The following SLC12A7 variants were observed in gnomAD, a reference collection of about 807,000 sequenced individuals.
The protein encoded by SLC12A7 is K-Cl cotransporter 4.
SLC12A7 carries 100 observed loss-of-function variants against 120.6 expected under a neutral mutation model. That is an observed-to-expected ratio of 0.83 (90% CI 0.71 to 0.98). The LOEUF (loss-of-function observed/expected upper bound fraction) is 0.98, where lower values mean the gene tolerates loss of function less well. Among genes scored for constraint, SLC12A7 ranks in the 50% least tolerant of loss-of-function variants. The pLI is 0.00. For synonymous variants in SLC12A7, 760 were observed against 678.0 expected (o/e 1.12, Z -1.88); for missense variants, 1,373 against 1,548.1 (o/e 0.89, Z 1.90).
intron 21 of SLC12A7, among the ~76,000 whole-genome samples, chr5:1,058,758 T>C (rs1735885087): frequency 6.6e-6 from 1 of 152,184 alleles, no homozygotes; most frequent in Non-Finnish European, 1.5e-5. Context: ...AAATTTCCCA[T>C]GGCCTTGAAC....
the SLC12A7 span, among the ~76,000 whole-genome samples, chr5:1,133,909 G>C: frequency 2.6e-5 from 4 of 152,210 alleles, no homozygotes; most frequent in Non-Finnish European, 5.9e-5. Flanking sequence ...GTGGGGGTGG[G>C]CTCTTGTTCT....
intron 23 of SLC12A7, 142 bp from the exon 24 acceptor site, chr5:1,052,593 G>A (rs900038983): frequency 8.8e-6 from 6 of 678,206 alleles, no homozygotes; most frequent in Non-Finnish European, 1.5e-5. Flanking sequence ...AGAGAGGTGG[G>A]GATTAGAGAG....
chr5:1,107,819 G>C (rs557184651), intron 1 of SLC12A7, among the ~76,000 whole-genome samples: 3 of 152,154 alleles, frequency 2.0e-5, no homozygotes, highest in Non-Finnish European at 4.4e-5. Context: ...CTGAGTCCAC[G>C]AGGCAAAGGT....
intron 17 of SLC12A7, among the ~76,000 whole-genome samples, chr5:1,068,063 C>A (rs927041280): frequency 6.6e-6 from 1 of 152,232 alleles, no homozygotes; most frequent in African/African-American, 2.4e-5. Flanking sequence ...GAACAGAGCA[C>A]AAGGGCGCGC....
At chr5:1,109,318 T>C (rs1343154599) in intron 1 of SLC12A7, among the ~76,000 whole-genome samples, 2 of 151,940 alleles carry the variant, frequency 1.3e-5, no homozygotes, top group Non-Finnish European at 2.9e-5. Flanking sequence ...CCCAAGTCAG[T>C]TACAAAACCC....
chr5:1,057,766 G>C (rs1284260159), intron 21 of SLC12A7, 117 bp from the exon 22 acceptor site: 9 of 1,005,544 alleles, frequency 9.0e-6, no homozygotes, highest in Non-Finnish European at 1.3e-5. Flanking sequence ...GGCCCTGTGT[G>C]CCTGACCCGG....
chr5:1,111,145 G>C (rs1742968470), intron 1 of SLC12A7, among the ~76,000 whole-genome samples: 2 of 152,188 alleles, frequency 1.3e-5, no homozygotes, highest in South Asian at 4.1e-4. Context: ...AGAGCCTCCG[G>C]TTTCTAGAGG....
chr5:1,088,560 C>T (rs1740143327), intron 4 of SLC12A7, among the ~76,000 whole-genome samples, 200 bp from the exon 5 acceptor site: 1 of 152,204 alleles, frequency 6.6e-6, no homozygotes, highest in African/African-American at 2.4e-5. Context: ...GTTCCCACCC[C>T]TTCCCCTATG....
chr5:1,136,976 A>T, the SLC12A7 span, among the ~76,000 whole-genome samples: 1 of 144,216 alleles, frequency 6.9e-6, no homozygotes, highest in Non-Finnish European at 1.5e-5. Context: ...ACATGTACTC[A>T]CACACCACCA....
chr5:1,077,418 C>T (rs557272625), intron 12 of SLC12A7, among the ~76,000 whole-genome samples: 9 of 152,330 alleles, frequency 5.9e-5, no homozygotes, highest in South Asian at 4.1e-4. Flanking sequence ...TGCGGGCGTC[C>T]GTGCAATCCT....
chr5:1,075,402 C>T lies in SLC12A7; in HGVS notation c.1936G>A (p.Gly646Ser), dbSNP rs763958178. 3.7e-6 allele frequency: 6 copies of T among 1,612,298 alleles called. No individual in the cohort carries two copies. Among genetic ancestry groups the T allele is most frequent in the Non-Finnish European group, 5.1e-6 (6 of 1,179,474 alleles). The change falls in exon 15 of 24, where the codon GGC (glycine) becomes AGC (serine). Residue 646 changes from glycine to serine, a missense_variant. By Grantham distance (56) the Gly-to-Ser change is moderately conservative. Transcript: ENST00000264930. Reference sequence around the variant, plus strand: ...TACTCGATGTACTTGTAGATGCAGCCAGCGATGAGCATGGCGGACAGCGCG... The same window carrying T: ...TACTCGATGTACTTGTAGATGCAGCTAGCGATGAGCATGGCGGACAGCGCG... ...YYALSAMLIA[G>S]CIYKYIEYRG...
intron 20 of SLC12A7, chr5:1,063,086 A>AGCT (rs973795103): frequency 3.9e-5 from 6 of 152,294 alleles, no homozygotes; most frequent in Non-Finnish European, 8.8e-5. Flanking sequence ...CAGGATCCAG[A>AGCT]GCTCCATGCT....
intron 8 of SLC12A7, among the ~76,000 whole-genome samples, chr5:1,082,272 G>C (rs372509859): frequency 6.8e-6 from 1 of 146,162 alleles, no homozygotes; most frequent in Non-Finnish European, 1.5e-5. Context: ...TGGAAAGTCC[G>C]GGCTTCCCCG....
At chr5:1,065,031 A>C (rs1190721760) in intron 18 of SLC12A7, among the ~76,000 whole-genome samples, 1 of 81,410 alleles carries the variant, frequency 1.2e-5, no homozygotes, top group Admixed American at 1.7e-4. Flanking sequence ...CGGGACAGTG[A>C]GGGGACAGCG....
At chr5:1,063,385 G>C (rs1202245127) in intron 20 of SLC12A7, among the ~76,000 whole-genome samples, 2 of 152,222 alleles carry the variant, frequency 1.3e-5, no homozygotes, top group Non-Finnish European at 2.9e-5. Context: ...CCACTGAGGT[G>C]TGAGGTCCTG....
chr5:1,084,700 C>T (rs772792607), intron 7 of SLC12A7, among the ~76,000 whole-genome samples: 18 of 152,124 alleles, frequency 1.2e-4, no homozygotes, highest in Non-Finnish European at 2.4e-4. Context: ...TTCAGGGGCT[C>T]CCTCCACGCA....
the SLC12A7 span, among the ~76,000 whole-genome samples, chr5:1,147,769 G>C: frequency 6.6e-6 from 1 of 151,832 alleles, no homozygotes; most frequent in Admixed American, 6.6e-5. Context: ...TTTGAGACAG[G>C]GTCTCACTCT....
At chr5:1,100,589 G>T (rs950365131) in intron 1 of SLC12A7, among the ~76,000 whole-genome samples, 5 of 152,244 alleles carry the variant, frequency 3.3e-5, no homozygotes, top group African/African-American at 1.2e-4. Context: ...TAACAGAGGA[G>T]GAAGACGGCG....
intron 3 of SLC12A7, among the ~76,000 whole-genome samples, chr5:1,089,423 T>G (rs1411726229): frequency 6.6e-6 from 1 of 151,790 alleles, no homozygotes; most frequent in Non-Finnish European, 1.5e-5. Flanking sequence ...GGAAAAGTTA[T>G]GGAAAAAACA....
Sources: allele counts gnomAD v4.1 joint callset (sites outside exome capture counted in the v4.1 genomes callset), GRCh38; gene constraint gnomAD v4.1.1; transcripts MANE v1.5; gene names NCBI Gene and HGNC (gene_info 2026-07-23, HGNC 2026-07-21).